The following DUSP13B variants were observed in gnomAD, a reference collection of about 807,000 sequenced individuals.
The protein encoded by DUSP13B is dual specificity protein phosphatase 13B.
the DUSP13B span, chr10:75,104,180 C>G: frequency 2.9e-6 from 3 of 1,024,916 alleles, no homozygotes; most frequent in Non-Finnish European, 4.0e-6. Flanking sequence ...GGGATAAGAG[C>G]TGTCACCTAA....
chr10:75,109,119 G>A, the DUSP13B span: 1 of 1,610,296 alleles, frequency 6.2e-7, no homozygotes, highest in South Asian at 1.1e-5. Context: ...GCGTGGCTTT[G>A]TCCTCTCCCC....
chr10:75,105,531 A>G, the DUSP13B span: 1 of 932,268 alleles, frequency 1.1e-6, no homozygotes, highest in Non-Finnish European at 1.6e-6. Flanking sequence ...GGCCCCCTTT[A>G]ATCCTCACTT....
the DUSP13B span, among the ~76,000 whole-genome samples, chr10:75,106,576 C>G: frequency 7.2e-5 from 11 of 152,292 alleles, no homozygotes; most frequent in Non-Finnish European, 1.2e-4. Context: ...GGGAAGTCCC[C>G]CCACCTTCCC....
chr10:75,097,643 C>T, the DUSP13B span: 1 of 1,425,618 alleles, frequency 7.0e-7, no homozygotes, highest in Non-Finnish European at 9.3e-7. Context: ...GAGAGAGGCT[C>T]ATGCCCCCAT....
At chr10:75,099,902 TGA>T in the DUSP13B span, among the ~76,000 whole-genome samples, 1 of 151,910 alleles carries the variant, frequency 6.6e-6, no homozygotes, top group African/African-American at 2.4e-5. Context: ...GACCCGAGAA[TGA>T]GAGAGGAGTG....
chr10:75,109,057 GAA>G, the DUSP13B span: 1 of 1,612,144 alleles, frequency 6.2e-7, no homozygotes, highest in Non-Finnish European at 8.5e-7. Context: ...ACGGCTGCAA[GAA>G]GACTTCCCTG....
the DUSP13B span, among the ~76,000 whole-genome samples, chr10:75,106,760 G>T: frequency 1.5e-3 from 229 of 152,356 alleles, 3 homozygotes; most frequent in East Asian, 0.035. Context: ...CTCAGTGCCA[G>T]GCACGTAGTG....
At chr10:75,094,992 T>A in the DUSP13B span, 1 of 949,628 alleles carries the variant, frequency 1.1e-6, no homozygotes, top group Non-Finnish European at 1.6e-6. Context: ...TGACACTGTC[T>A]ACTCTGTCAA....
At chr10:75,108,145 G>C in the DUSP13B span, 1 of 1,613,184 alleles carries the variant, frequency 6.2e-7, no homozygotes, top group Non-Finnish European at 8.5e-7. Context: ...AGGCCCTTGT[G>C]GGCGGCGTTC....
At chr10:75,100,897 C>T in the DUSP13B span, among the ~76,000 whole-genome samples, 3 of 152,264 alleles carry the variant, frequency 2.0e-5, no homozygotes, top group African/African-American at 7.2e-5. Context: ...CCCAAGACAT[C>T]GGGCAGAGGC....
chr10:75,097,004 G>A, the DUSP13B span, among the ~76,000 whole-genome samples: 1 of 152,066 alleles, frequency 6.6e-6, no homozygotes, highest in East Asian at 1.9e-4. Flanking sequence ...TAAACAACAG[G>A]TGAAACTAAC....
chr10:75,105,829 G>A, the DUSP13B span: 1 of 1,550,752 alleles, frequency 6.4e-7, no homozygotes, highest in South Asian at 1.2e-5. Context: ...CAGCGTGGCA[G>A]AGCGGCTCAC....
the DUSP13B span, chr10:75,107,925 A>C: frequency 1.3e-6 from 2 of 1,502,232 alleles, no homozygotes; most frequent in Non-Finnish European, 1.8e-6. Context: ...CTGATGACTG[A>C]GAGGAAATGA....
the DUSP13B span, among the ~76,000 whole-genome samples, chr10:75,106,384 G>A: frequency 6.6e-6 from 1 of 151,954 alleles, no homozygotes; most frequent in Non-Finnish European, 1.5e-5. Flanking sequence ...CTTACCACAT[G>A]CTATTCCAAA....
the DUSP13B span, among the ~76,000 whole-genome samples, chr10:75,098,560 G>C: frequency 6.6e-6 from 1 of 152,136 alleles, no homozygotes; most frequent in East Asian, 1.9e-4. Flanking sequence ...TCAGGAGTTC[G>C]AGACCAGCCT....
chr10:75,095,941 C>T, the DUSP13B span: 8 of 726,692 alleles, frequency 1.1e-5, no homozygotes, highest in African/African-American at 8.9e-5. Context: ...GGTGAAGGGG[C>T]TCCTCCTGTT....
At chr10:75,099,273 G>A in the DUSP13B span, 5 of 1,232,306 alleles carry the variant, frequency 4.1e-6, no homozygotes, top group Non-Finnish European at 5.1e-6. Flanking sequence ...GGTAGGCAGT[G>A]CCAGGACCAG....
chr10:75,094,622 G>C, the DUSP13B span: 17 of 1,589,508 alleles, frequency 1.1e-5, no homozygotes, highest in South Asian at 1.7e-4. Flanking sequence ...GCTGTTCCCA[G>C]GGCCAGGCTG....
chr10:75,094,548 CCTGCCT>C, the DUSP13B span: 1 of 1,048,792 alleles, frequency 9.5e-7, no homozygotes, highest in Non-Finnish European at 1.4e-6. Context: ...CCCAGCTATC[CCTGCCT>C]CTGCCTCAGC....
Sources: allele counts gnomAD v4.1 joint callset (sites outside exome capture counted in the v4.1 genomes callset), GRCh38; gene constraint gnomAD v4.1.1; transcripts MANE v1.5; gene names NCBI Gene and HGNC (gene_info 2026-07-23, HGNC 2026-07-21).